Variants in FAT1 observed in about 807,000 individuals in gnomAD.
FAT1 encodes the protein protocadherin Fat 1.
Under a neutral mutation model 329.8 loss-of-function variants are expected in FAT1, and 171 were observed. That is an observed-to-expected ratio of 0.52 (90% confidence interval 0.46 to 0.59). The LOEUF (loss-of-function observed/expected upper bound fraction) is 0.59. Ranked by LOEUF, FAT1 falls within the 20% of genes least tolerant of loss-of-function variation. The pLI, the probability that FAT1 is intolerant of heterozygous loss-of-function variation, is 0.00. For missense variants in FAT1, 5,672 were observed against 5,774.4 expected, an observed-to-expected ratio of 0.98 and a Z score of 0.57; for synonymous variants, 2,233 against 2,228.6, an observed-to-expected ratio of 1.00 and a Z score of -0.06.
intron 3 of FAT1, among the ~76,000 whole-genome samples, chr4:186,660,911 T>C (rs1049509485): frequency 2.6e-5 from 4 of 152,162 alleles, no homozygotes; most frequent in African/African-American, 9.7e-5. Flanking sequence ...AAACATATAT[T>C]ATGCCCAGAC....
chr4:186,660,261 G>GT lies in FAT1; in HGVS notation c.3580+3037dup, dbSNP rs1742107641. On this transcript the variant is annotated intron_variant, in intron 3 of 26. Transcript: ENST00000441802. ...CTGGGAACAGTCTGCTTTAAAGGTT[G>GT]TAAGAAGACGAGGCATGTGTACTTC... Among the ~76,000 whole-genome samples the GT allele has an allele frequency of 4.6e-5, 7 of 152,256 alleles. No homozygotes were observed. In the South Asian group the frequency reaches 1.5e-3, roughly 32 times the overall value.
At chr4:186,590,429 A>AG (rs1373267385) in intron 26 of FAT1, 2 of 1,287,616 alleles carry the variant, frequency 1.6e-6, no homozygotes, top group Non-Finnish European at 2.0e-6. Flanking sequence ...TAGAAAAAAA[A>AG]GAAAACATTT....
Position 186,708,609 on chromosome 4 carries a change from C to T in FAT1, c.1219G>A (p.Gly407Arg), listed in dbSNP as rs780802953. ...HLRYVFKSTPGKAKFSLNYNT... is the reference protein window; with the variant it reads ...HLRYVFKSTPRKAKFSLNYNT... ...TAATTTAAACTGAATTTAGCTTTTC[C>T]AGGTGTACTTTTAAAAACATACCTC... is the stretch of plus-strand genomic sequence containing the variant. The change falls in exon 2 of 27, where the codon GGA (glycine) becomes AGA (arginine). Residue 407 changes from glycine (G) to arginine (R), a missense_variant. By Grantham distance (125) the Gly-to-Arg change is moderately radical. Transcript: ENST00000441802. 3 of 1,613,926 alleles carry T rather than the reference C, an allele frequency of 1.9e-6. No individual in the cohort carries two copies. Among genetic ancestry groups the T allele is most frequent in the Non-Finnish European group, 2.5e-6 (3 of 1,179,886 alleles).
intron 1 of FAT1, among the ~76,000 whole-genome samples, chr4:186,722,248 CA>C (rs1745501481): frequency 2.6e-5 from 4 of 152,204 alleles, no homozygotes; most frequent in Non-Finnish European, 4.4e-5. Flanking sequence ...AATGAATATA[CA>C]GGTGGCCCGA....
intron 10 of FAT1, 132 bp downstream of exon 10, chr4:186,617,576 C>G (rs571435724): frequency 4.1e-6 from 3 of 731,206 alleles, no homozygotes; most frequent in African/African-American, 3.6e-5. Flanking sequence ...GTTATTTCTA[C>G]GTATTATTTT....
At chr4:186,593,630 G>A (rs1185616841) in intron 26 of FAT1, among the ~76,000 whole-genome samples, 1 of 152,178 alleles carries the variant, frequency 6.6e-6, no homozygotes, top group Non-Finnish European at 1.5e-5. Flanking sequence ...TGACAGAAGG[G>A]TGGTCAATGA....
At chr4:186,688,656 C>T (rs1025609886) in intron 2 of FAT1, among the ~76,000 whole-genome samples, 12 of 129,032 alleles carry the variant, frequency 9.3e-5, no homozygotes, top group African/African-American at 3.8e-4. Context: ...CCCCCCCGCC[C>T]CCCCCCAAAA....
intron 2 of FAT1, among the ~76,000 whole-genome samples, chr4:186,671,625 G>A (rs1204675977): frequency 1.3e-5 from 2 of 152,100 alleles, no homozygotes; most frequent in African/African-American, 4.8e-5. Context: ...CTTGAACCCA[G>A]GAGGTGGAGG....
At chr4:186,589,344 C>T in intron 26 of FAT1, 124 bp from the exon 27 acceptor site, 1 of 1,095,392 alleles carries the variant, frequency 9.1e-7, no homozygotes, top group Non-Finnish European at 1.3e-6. Context: ...CAAAGTTCAC[C>T]ACTGGAAATT....
In FAT1 at chr4:186,695,773, A is replaced by G. The variant is rs554879083; in HGVS notation, c.3265+10790T>C. ...TATTATATATAAAACACACACACAC[A>G]CACACACACACACACACACACACAC... On this transcript the variant is annotated intron_variant, in intron 2 of 26. Transcript: ENST00000441802. 4.7e-4 allele frequency among the ~76,000 whole-genome samples: 70 copies of G among 149,616 alleles called. 1 individual carries two copies. The highest frequency in any genetic ancestry group is 1.7e-3 in the African/African-American group (68 of 39,724).
rs752993504 is a variant in FAT1 at position 186,633,850 on chromosome 4, C to G, written c.4184-27G>C. ...TAATTTGGGGAAAAAAAAGTAAAAACAGGTCACAGGATAACACTCTGTAGT... is the reference window on the plus strand; with the variant it reads ...TAATTTGGGGAAAAAAAAGTAAAAAGAGGTCACAGGATAACACTCTGTAGT... On this transcript the variant is annotated intron_variant, in intron 6 of 26. Transcript: ENST00000441802. 4 of 1,613,632 alleles carry G rather than the reference C, an allele frequency of 2.5e-6. No individual in the cohort carries two copies. The East Asian group carries it at 6.7e-5, about 27-fold the overall frequency.
chr4:186,627,618 CT>C (rs973327060), intron 9 of FAT1, among the ~76,000 whole-genome samples: 37 of 152,118 alleles, frequency 2.4e-4, no homozygotes, highest in Admixed American at 2.0e-3. Flanking sequence ...GGAAATCCAC[CT>C]GTTAAAGGCG....
chr4:186,643,516 C>T (rs1034185648), intron 3 of FAT1, among the ~76,000 whole-genome samples: 1 of 152,082 alleles, frequency 6.6e-6, no homozygotes, highest in African/African-American at 2.4e-5. Flanking sequence ...TGATGCACCC[C>T]CTCTGCGAAA....
At chr4:186,725,275 G>A (rs941437246), upstream of FAT1, among the ~76,000 whole-genome samples, 1 of 152,074 alleles carries the variant, frequency 6.6e-6, no homozygotes, top group African/African-American at 2.4e-5. This position sits in a 1 kb window ranked among gnomAD's most constrained non-coding sequence, Gnocchi z 5.4. Context: ...GTAAATCTCA[G>A]CAAAACCCAA....
intron 17 of FAT1, among the ~76,000 whole-genome samples, chr4:186,605,805 T>C (rs1330897898): frequency 6.6e-6 from 1 of 151,764 alleles, no homozygotes; most frequent in Admixed American, 6.6e-5. Flanking sequence ...AAAGCACCAG[T>C]GGCAGCAGGT....
At chr4:186,638,726 G>A (rs1413024042) in intron 4 of FAT1, among the ~76,000 whole-genome samples, 1 of 151,916 alleles carries the variant, frequency 6.6e-6, no homozygotes, top group Non-Finnish European at 1.5e-5. Context: ...AATTAAGCAG[G>A]CAGCATTATA....
chr4:186,673,097 T>C (rs1311377658), intron 2 of FAT1, among the ~76,000 whole-genome samples: 3 of 152,126 alleles, frequency 2.0e-5, no homozygotes, highest in African/African-American at 7.2e-5. Flanking sequence ...GTATATAAAA[T>C]ATGATGCTAC....
chr4:186,642,695 C>T (rs368406514), intron 3 of FAT1, among the ~76,000 whole-genome samples: 4 of 152,150 alleles, frequency 2.6e-5, no homozygotes, highest in Non-Finnish European at 5.9e-5. Flanking sequence ...CGGCACCCTG[C>T]GGGTATTTAG....
upstream of FAT1, among the ~76,000 whole-genome samples, chr4:186,725,668 T>C (rs750343470): frequency 4.6e-5 from 7 of 152,130 alleles, no homozygotes; most frequent in Non-Finnish European, 1.0e-4. This position sits in a 1 kb window ranked among gnomAD's most constrained non-coding sequence, Gnocchi z 5.4. Flanking sequence ...GACATGCCTA[T>C]TAGCTACCAC....
Sources: gnomAD v4.1 joint callset for allele counts (sites outside exome capture counted in the v4.1 genomes callset) on GRCh38, gnomAD v4.1.1 for gene constraint, Gnocchi (gnomAD v3.1) non-coding constraint, MANE v1.5 for transcripts, NCBI Gene and HGNC (gene_info 2026-07-23, HGNC 2026-07-21) for gene names.